The following RABGAP1L variants were observed in gnomAD, a reference collection of about 807,000 sequenced individuals.
The protein encoded by RABGAP1L is rab GTPase-activating protein 1-like.
RABGAP1L carries 63 observed loss-of-function variants against 137.7 expected under a neutral mutation model. The observed-to-expected ratio is 0.46, with a 90% CI of 0.37 to 0.56. The LOEUF (loss-of-function observed/expected upper bound fraction) is 0.56. Among genes scored for constraint, RABGAP1L ranks in the 20% least tolerant of loss-of-function variants. The pLI, the probability that RABGAP1L is intolerant of heterozygous loss-of-function variation, is 0.00. For missense variants in RABGAP1L, 1,095 were observed against 1,244.0 expected, an observed-to-expected ratio of 0.88 and a Z score of 1.80; for synonymous variants, 431 against 433.7, an observed-to-expected ratio of 0.99 and a Z score of 0.08.
intron 15 of RABGAP1L, among the ~76,000 whole-genome samples, chr1:174,691,817 A>G (rs1400411107): frequency 6.6e-6 from 1 of 152,082 alleles, no homozygotes; most frequent in Non-Finnish European, 1.5e-5. Flanking sequence ...TTAAATAGTC[A>G]TTTTAGTGCT....
intron 13 of RABGAP1L, among the ~76,000 whole-genome samples, chr1:174,621,551 A>G (rs554620885): frequency 1.3e-5 from 2 of 152,340 alleles, no homozygotes; most frequent in East Asian, 1.9e-4. Context: ...GTAACACGGC[A>G]TATCTAAACC....
At chr1:174,270,097 A>G (rs1674427033) in intron 7 of RABGAP1L, among the ~76,000 whole-genome samples, 1 of 152,166 alleles carries the variant, frequency 6.6e-6, no homozygotes, top group African/African-American at 2.4e-5. Context: ...TTAAGTGCTT[A>G]AAGTTCATGT....
At chr1:174,278,030 G>T (rs1571887137) in intron 9 of RABGAP1L, among the ~76,000 whole-genome samples, 2 of 152,140 alleles carry the variant, frequency 1.3e-5, no homozygotes, top group South Asian at 2.1e-4. Context: ...AAATTGTAAA[G>T]AAAATAAATT....
Position 174,725,142 on chromosome 1 carries a change from A to G in RABGAP1L, c.2169+22886A>G, listed in dbSNP as rs902067948. On this transcript the variant is annotated intron_variant, in intron 17 of 25. Transcript: ENST00000681986. The stretch of plus-strand genomic sequence containing the variant: ...TGACTTAAGTGTTTCAGAGATGACT[A>G]TGGCTGTTGTGAATGCATTGAAGGG... 3.3e-5 allele frequency among the ~76,000 whole-genome samples: 5 copies of G among 152,330 alleles called. No homozygotes were observed. In the South Asian group the frequency reaches 1.0e-3, roughly 32 times the overall value.
intron 17 of RABGAP1L, among the ~76,000 whole-genome samples, chr1:174,750,524 CA>C (rs1415105005): frequency 1.3e-5 from 2 of 152,090 alleles, no homozygotes; most frequent in African/African-American, 4.8e-5. Context: ...AATGAAATTT[CA>C]CAATTCCTGT....
intron 19 of RABGAP1L, among the ~76,000 whole-genome samples, chr1:174,815,593 G>A (rs2148868877): frequency 6.6e-6 from 1 of 152,210 alleles, no homozygotes; most frequent in South Asian, 2.1e-4. Flanking sequence ...ACTGAAACTG[G>A]CTTTAAAATA....
At chr1:174,892,781 G>A (rs527517082) in intron 19 of RABGAP1L, 6 of 397,978 alleles carry the variant, frequency 1.5e-5, no homozygotes, top group South Asian at 1.2e-4. Context: ...CCAGGCTGGA[G>A]TGCAATGGCA....
chr1:174,611,990 G>A (rs1241138037), intron 13 of RABGAP1L, among the ~76,000 whole-genome samples: 1 of 152,212 alleles, frequency 6.6e-6, no homozygotes, highest in Non-Finnish European at 1.5e-5. Context: ...ATACAATCAT[G>A]TCATCTGCAA....
At chr1:174,165,535 C>T (rs1664837046) in intron 1 of RABGAP1L, among the ~76,000 whole-genome samples, 1 of 151,550 alleles carries the variant, frequency 6.6e-6, no homozygotes, top group African/African-American at 2.4e-5. Flanking sequence ...ATCTCACTCC[C>T]GTTACTCAAA....
chr1:174,644,475 C>G (rs1444778879), intron 14 of RABGAP1L, among the ~76,000 whole-genome samples: 1 of 151,666 alleles, frequency 6.6e-6, no homozygotes, highest in African/African-American at 2.4e-5. Context: ...ATTATAGTCA[C>G]TCTTTTTAAA....
chr1:174,974,626 A>G (rs1670487539), intron 21 of RABGAP1L, among the ~76,000 whole-genome samples: 3 of 152,220 alleles, frequency 2.0e-5, no homozygotes, highest in East Asian at 1.9e-4. Flanking sequence ...AGCAATTTTT[A>G]GAGTCTTAAA....
chr1:174,878,565 A>G (rs761794350), intron 19 of RABGAP1L, among the ~76,000 whole-genome samples: 7 of 152,138 alleles, frequency 4.6e-5, no homozygotes, highest in Non-Finnish European at 7.4e-5. Context: ...GTAACTTCTT[A>G]TTATATTTAA....
chr1:174,812,892 TCAATAGCCAGTTCAAAGGTCC>T (rs1229516991), intron 19 of RABGAP1L, among the ~76,000 whole-genome samples: 1 of 151,998 alleles, frequency 6.6e-6, no homozygotes, highest in East Asian at 1.9e-4. Context: ...CTAGGCAGAG[TCAATAGCCAGTTCAAAGGTCC>T]AGAGACTGCC....
chr1:174,570,819 G>A (rs1249383022), intron 13 of RABGAP1L, among the ~76,000 whole-genome samples: 1 of 152,132 alleles, frequency 6.6e-6, no homozygotes, highest in Non-Finnish European at 1.5e-5. Context: ...GTACACTGTT[G>A]GTGTATAAAA....
chr1:174,964,813 A>G, intron 20 of RABGAP1L: 1 of 1,384,410 alleles, frequency 7.2e-7, no homozygotes. Flanking sequence ...GAGAGAACTT[A>G]GAGTTATATG....
rs142085815 is a variant in RABGAP1L, at chr1:174,379,461, C to A, written c.1559+8389C>A. ...ATTTGTATGTATCCTCTTTTATTTC[C>A]TTGAGCAGTGGTTTGTAGTTCTCCT... On this transcript the variant is annotated intron_variant, in intron 12 of 25. Coordinates refer to ENST00000681986, the MANE Select transcript of RABGAP1L (RefSeq NM_001366446.1). Among the ~76,000 whole-genome samples, 7 of 140,964 alleles carry A rather than the reference C, an allele frequency of 5.0e-5. No individual in the cohort carries two copies. The East Asian group carries it at 1.2e-3, about 24-fold the overall frequency. 92.5% of individuals were successfully genotyped at this position (140,964 alleles called of 152,430 possible). A position where few individuals can be genotyped will look rare whatever the true frequency, so the allele number is the denominator to read the frequency against.
At chr1:174,749,892 T>A (rs1248036244) in intron 17 of RABGAP1L, among the ~76,000 whole-genome samples, 1 of 152,114 alleles carries the variant, frequency 6.6e-6, no homozygotes, top group East Asian at 1.9e-4. Flanking sequence ...ATTTTATTTT[T>A]TTTGAGATGG....
At chr1:174,907,014 G>A (rs1419371528) in intron 19 of RABGAP1L, among the ~76,000 whole-genome samples, 5 of 151,770 alleles carry the variant, frequency 3.3e-5, no homozygotes, top group Admixed American at 2.0e-4. Flanking sequence ...CACCACCACC[G>A]GGCTTATCTT....
chr1:174,795,894 C>T (rs1176308474), intron 18 of RABGAP1L, among the ~76,000 whole-genome samples: 2 of 152,176 alleles, frequency 1.3e-5, no homozygotes, highest in African/African-American at 4.8e-5. Flanking sequence ...AAGTACTAAC[C>T]ACTCCTTTGA....
Sources: gnomAD v4.1 joint callset for allele counts (sites outside exome capture counted in the v4.1 genomes callset) on GRCh38, gnomAD v4.1.1 for gene constraint, MANE v1.5 for transcripts, NCBI Gene and HGNC (gene_info 2026-07-23, HGNC 2026-07-21) for gene names.